Variants in LRRC37A2 observed in about 807,000 individuals in gnomAD.
LRRC37A2 encodes the protein leucine-rich repeat-containing protein 37A2.
LRRC37A2 carries 9 observed loss-of-function variants against 68.8 expected under a neutral mutation model. That is an observed-to-expected ratio of 0.13 (90% CI 0.08 to 0.23). The LOEUF is 0.23. LRRC37A2 is among the 10% of genes least tolerant of loss of function. LRRC37A2 has a pLI of 1.00. For synonymous variants in LRRC37A2, 63 were observed against 367.6 expected (o/e 0.17, Z 9.48); for missense variants, 168 against 950.4 (o/e 0.18, Z 10.82).
the LRRC37A2 span, chr17:46,979,083 G>T: frequency 7.7e-7 from 1 of 1,292,420 alleles, no homozygotes; most frequent in Non-Finnish European, 9.8e-7. Context: ...CGCTCTCAGG[G>T]ACGCTCCGGA....
chr17:46,946,444 A>C, the LRRC37A2 span, among the ~76,000 whole-genome samples: 2 of 144,084 alleles, frequency 1.4e-5, no homozygotes, highest in Non-Finnish European at 3.1e-5. Context: ...CTAGGCAAGA[A>C]GAGCAAAACT....
At chr17:46,912,158 G>A in the LRRC37A2 span, among the ~76,000 whole-genome samples, 1 of 152,160 alleles carries the variant, frequency 6.6e-6, no homozygotes, top group Non-Finnish European at 1.5e-5. Flanking sequence ...TCCCAAGGAT[G>A]TGCACACCTA....
chr17:46,774,331 T>G, the LRRC37A2 span, among the ~76,000 whole-genome samples: 1 of 152,220 alleles, frequency 6.6e-6, no homozygotes, highest in African/African-American at 2.4e-5. Context: ...ACATGGACAC[T>G]TCCAGTGACT....
the LRRC37A2 span, among the ~76,000 whole-genome samples, chr17:46,500,828 A>G: frequency 6.6e-6 from 1 of 151,086 alleles, no homozygotes; most frequent in African/African-American, 2.5e-5. Context: ...ATCAGATTAT[A>G]GGGAAGTGTT....
At chr17:47,006,912 T>C in the LRRC37A2 span, among the ~76,000 whole-genome samples, 517 of 152,328 alleles carry the variant, frequency 3.4e-3, 3 homozygotes, top group African/African-American at 0.012. Flanking sequence ...GTGAATACAA[T>C]CGATTCAAAC....
the LRRC37A2 span, among the ~76,000 whole-genome samples, chr17:46,815,302 C>T: frequency 2.0e-5 from 3 of 152,212 alleles, no homozygotes; most frequent in Non-Finnish European, 4.4e-5. Context: ...GAGAACATCT[C>T]TTCCTTCCAG....
At chr17:46,769,846 C>A in the LRRC37A2 span, 1 of 1,613,426 alleles carries the variant, frequency 6.2e-7, no homozygotes, top group Non-Finnish European at 8.5e-7. Context: ...TGTTCTCGCG[C>A]GCATCCGCGA....
chr17:46,827,589 T>C, the LRRC37A2 span, among the ~76,000 whole-genome samples: 1 of 152,150 alleles, frequency 6.6e-6, no homozygotes. Flanking sequence ...TCTTGTGATA[T>C]GAAATAATAC....
chr17:46,813,113 C>T, the LRRC37A2 span, among the ~76,000 whole-genome samples: 1 of 151,806 alleles, frequency 6.6e-6, no homozygotes, highest in Non-Finnish European at 1.5e-5. Context: ...CAGCTCTTTG[C>T]GATTTAGGTC....
At chr17:46,818,762 C>CT in the LRRC37A2 span, 21 of 732,476 alleles carry the variant, frequency 2.9e-5, 1 homozygote, top group Non-Finnish European at 4.5e-5. Flanking sequence ...CGCGGAGCAG[C>CT]CGGGTTTGAG....
the LRRC37A2 span, among the ~76,000 whole-genome samples, chr17:46,761,786 AAGG>A: frequency 1.3e-5 from 2 of 152,250 alleles, no homozygotes; most frequent in Non-Finnish European, 2.9e-5. Context: ...CTGAAAACTA[AAGG>A]ATTGTCTGTT....
the LRRC37A2 span, among the ~76,000 whole-genome samples, chr17:47,011,551 CA>C: frequency 9.9e-3 from 950 of 96,380 alleles, 5 homozygotes; most frequent in African/African-American, 0.026. Context: ...GACTCTGTTT[CA>C]AAAAAAAAAA....
At chr17:46,939,689 C>T in the LRRC37A2 span, 1 of 985,436 alleles carries the variant, frequency 1.0e-6, no homozygotes, top group Non-Finnish European at 1.2e-6. Context: ...CCTCATTTTG[C>T]CCAGCCAGTG....
chr17:46,767,423 T>C, the LRRC37A2 span, among the ~76,000 whole-genome samples: 2 of 152,188 alleles, frequency 1.3e-5, no homozygotes, highest in South Asian at 2.1e-4. Context: ...GTACGATTTA[T>C]GCTTGTGCAG....
the LRRC37A2 span, among the ~76,000 whole-genome samples, chr17:46,824,524 C>A: frequency 6.6e-6 from 1 of 152,262 alleles, no homozygotes; most frequent in South Asian, 2.1e-4. Context: ...GCTGGGATTA[C>A]AGGCGTAAGC....
chr17:46,920,988 T>A, the LRRC37A2 span: 1 of 151,978 alleles, frequency 6.6e-6, no homozygotes, highest in Non-Finnish European at 1.5e-5. Flanking sequence ...TCTTTGTTTC[T>A]GCTTTTTTTT....
chr17:46,889,789 A>G, the LRRC37A2 span, among the ~76,000 whole-genome samples: 1 of 152,184 alleles, frequency 6.6e-6, no homozygotes, highest in Admixed American at 6.5e-5. Context: ...AACAGAAGGC[A>G]GCTTCTACTA....
At chr17:47,023,446 G>A in the LRRC37A2 span, among the ~76,000 whole-genome samples, 1 of 152,162 alleles carries the variant, frequency 6.6e-6, no homozygotes, top group East Asian at 1.9e-4. Context: ...CAGCACCTTG[G>A]GAGGTAGGCG....
chr17:47,000,083 AAATAAAATAAAATAAAATAAAAT>A, the LRRC37A2 span, among the ~76,000 whole-genome samples: 77 of 77,080 alleles, frequency 1.0e-3, 2 homozygotes, highest in Non-Finnish European at 1.4e-3. Context: ...ATAAAAAATA[AAATAAAATAAAATAAAATAAAAT>A]AAAATAAAAT....
Sources: gnomAD v4.1 joint callset for allele counts (sites outside exome capture counted in the v4.1 genomes callset) on GRCh38, gnomAD v4.1.1 for gene constraint, MANE v1.5 for transcripts, NCBI Gene and HGNC (gene_info 2026-07-23, HGNC 2026-07-21) for gene names.